The following CPED1 variants were observed in gnomAD, a reference collection of about 807,000 sequenced individuals.
The protein encoded by CPED1 is cadherin-like and PC-esterase domain-containing protein 1.
In CPED1, 114 loss-of-function variants were observed where a neutral mutation model predicts 128.2. The observed-to-expected ratio is 0.89, with a 90% CI of 0.76 to 1.04. The LOEUF (loss-of-function observed/expected upper bound fraction) is 1.04. Ranked by LOEUF, CPED1 falls within the 50% of genes least tolerant of loss-of-function variation. CPED1 has a pLI of 0.00. For synonymous variants in CPED1, 462 were observed against 426.7 expected, an observed-to-expected ratio of 1.08 and a Z score of -1.02; for missense variants, 1,211 against 1,207.1, an observed-to-expected ratio of 1.00 and a Z score of -0.05.
intron 5 of CPED1, among the ~76,000 whole-genome samples, chr7:121,087,111 C>A (rs755992630): frequency 2.6e-5 from 4 of 152,194 alleles, no homozygotes; most frequent in Non-Finnish European, 5.9e-5. Context: ...CACCCAATAA[C>A]AACAGATCTG....
At chr7:121,135,280 T>C (rs1186375217) in intron 13 of CPED1, among the ~76,000 whole-genome samples, 1 of 152,072 alleles carries the variant, frequency 6.6e-6, no homozygotes, top group African/African-American at 2.4e-5. Context: ...CCCACCTATA[T>C]GTCAATAATA....
At chr7:121,271,257 A>G in intron 21 of CPED1, 27 bp from the exon 22 acceptor site, 1 of 1,577,360 alleles carries the variant, frequency 6.3e-7, no homozygotes, top group African/African-American at 1.4e-5. Flanking sequence ...GGTAATAAAA[A>G]TTCTCATTCT....
chr7:121,264,782 T>C (rs1167594129), intron 18 of CPED1, among the ~76,000 whole-genome samples: 1 of 152,078 alleles, frequency 6.6e-6, no homozygotes, highest in African/African-American at 2.4e-5. Flanking sequence ...AATTAAATCT[T>C]ATCCAAAGAC....
chr7:120,989,978 C>A, intron 2 of CPED1, 108 bp downstream of exon 2: 1 of 1,350,572 alleles, frequency 7.4e-7, no homozygotes, highest in Non-Finnish European at 1.0e-6. Flanking sequence ...TGAAAGGGAT[C>A]CAGAGTGTAA....
At chr7:121,062,318 C>T (rs1471487372) in intron 4 of CPED1, among the ~76,000 whole-genome samples, 1 of 152,054 alleles carries the variant, frequency 6.6e-6, no homozygotes, top group Non-Finnish European at 1.5e-5. Flanking sequence ...TGAAGCTTTT[C>T]ACAGACTAAT....
At chr7:121,103,758 T>C (rs1794908412) in intron 7 of CPED1, among the ~76,000 whole-genome samples, 1 of 152,136 alleles carries the variant, frequency 6.6e-6, no homozygotes, top group Non-Finnish European at 1.5e-5. Context: ...TAGTGATTTA[T>C]GTACTGTGTG....
At chr7:121,207,492 G>T (rs184752024) in intron 16 of CPED1, among the ~76,000 whole-genome samples, 1 of 151,930 alleles carries the variant, frequency 6.6e-6, no homozygotes, top group Admixed American at 6.6e-5. Context: ...TATATGTGTC[G>T]CTTAGAGCTA....
intron 7 of CPED1, among the ~76,000 whole-genome samples, chr7:121,109,282 G>A (rs766873797): frequency 3.9e-5 from 6 of 152,106 alleles, no homozygotes; most frequent in African/African-American, 1.2e-4. Flanking sequence ...TCTATGGAGC[G>A]TCTGCCTATA....
intron 3 of CPED1, among the ~76,000 whole-genome samples, chr7:121,033,486 C>T (rs546994144): frequency 4.6e-5 from 7 of 152,200 alleles, no homozygotes; most frequent in Admixed American, 2.0e-4. Flanking sequence ...CAAATACTGA[C>T]AGTGTCCTAC....
intron 16 of CPED1, among the ~76,000 whole-genome samples, chr7:121,158,962 A>C (rs767156047): frequency 1.3e-5 from 2 of 152,196 alleles, no homozygotes; most frequent in Non-Finnish European, 2.9e-5. Context: ...ATCCAGTTAG[A>C]ACACTTTTAA....
intron 7 of CPED1, among the ~76,000 whole-genome samples, chr7:121,118,665 T>A (rs530810491): frequency 4.2e-4 from 64 of 152,104 alleles, no homozygotes; most frequent in Admixed American, 9.2e-4. Context: ...CTGTGTAGTT[T>A]ATAAAGAAAA....
chr7:121,057,047 G>A (rs1793515699), intron 4 of CPED1, among the ~76,000 whole-genome samples: 1 of 151,586 alleles, frequency 6.6e-6, no homozygotes, highest in Non-Finnish European at 1.5e-5. Flanking sequence ...GCGCAATCTC[G>A]GCTCACTGAA....
chr7:121,117,060 T>TTA (rs56761278), intron 7 of CPED1, among the ~76,000 whole-genome samples: 1,804 of 128,872 alleles, frequency 0.014, 23 homozygotes, highest in African/African-American at 0.026. Flanking sequence ...TACACACATT[T>TTA]TATATATATA....
At chr7:121,074,974 C>T (rs1054429309) in intron 5 of CPED1, among the ~76,000 whole-genome samples, 2 of 152,096 alleles carry the variant, frequency 1.3e-5, no homozygotes, top group Non-Finnish European at 2.9e-5. Flanking sequence ...ATGCTGGATT[C>T]ATTTATTTTA....
chr7:121,250,839 C>CA (rs1250072466), intron 18 of CPED1, among the ~76,000 whole-genome samples: 1 of 125,946 alleles, frequency 7.9e-6, no homozygotes, highest in Non-Finnish European at 1.8e-5. Flanking sequence ...GCTTACCAAC[C>CA]AAAAAAAGTC....
chr7:121,246,087 A>G (rs1798524371), intron 18 of CPED1, among the ~76,000 whole-genome samples: 1 of 152,222 alleles, frequency 6.6e-6, no homozygotes, highest in Non-Finnish European at 1.5e-5. Flanking sequence ...GTTGCCACAC[A>G]GCCAGACTTC....
At chr7:121,160,515 G>A (rs1283642904) in intron 16 of CPED1, among the ~76,000 whole-genome samples, 1 of 152,208 alleles carries the variant, frequency 6.6e-6, no homozygotes, top group Non-Finnish European at 1.5e-5. Flanking sequence ...GTAATCACCT[G>A]TGAAGCTTAG....
chr7:121,084,789 A>G (rs1351788584), intron 5 of CPED1, among the ~76,000 whole-genome samples: 2 of 152,186 alleles, frequency 1.3e-5, no homozygotes, highest in Admixed American at 6.5e-5. Context: ...GGGACAGGGG[A>G]CAATGTGTTG....
At chr7:121,226,929 C>G (rs1056014253) in intron 16 of CPED1, among the ~76,000 whole-genome samples, 1 of 151,924 alleles carries the variant, frequency 6.6e-6, no homozygotes, top group African/African-American at 2.4e-5. Context: ...AATTTAAAGA[C>G]CATGTAAACA....
Sources: gnomAD v4.1 joint callset for allele counts (sites outside exome capture counted in the v4.1 genomes callset) on GRCh38, gnomAD v4.1.1 for gene constraint, MANE v1.5 for transcripts, NCBI Gene and HGNC (gene_info 2026-07-23, HGNC 2026-07-21) for gene names.